The following TINAGL1 variants were observed in gnomAD, a reference collection of about 807,000 sequenced individuals.
The protein encoded by TINAGL1 is tubulointerstitial nephritis antigen-like.
A neutral mutation model predicts 62.0 loss-of-function variants in TINAGL1; 34 were observed. That is an observed-to-expected ratio of 0.55 (90% CI 0.42 to 0.73). The LOEUF is 0.73. Ranked by LOEUF, TINAGL1 falls within the 30% of genes least tolerant of loss-of-function variation. The pLI is 0.00. For synonymous variants in TINAGL1, 221 were observed against 249.7 expected, an observed-to-expected ratio of 0.88 and a Z score of 1.08; for missense variants, 516 against 653.2, an observed-to-expected ratio of 0.79 and a Z score of 2.29.
rs143266156 is a variant in TINAGL1 at position 31,583,551 on chromosome 1, G to A, written c.558G>A (p.Ser186=). The change falls in exon 5 of 12, where the codon TCG becomes TCA. Residue 186 remains serine, a synonymous_variant. Transcript: ENST00000271064. This position sits in a 1 kb window ranked among gnomAD's most constrained non-coding sequence, Gnocchi z 4.4. Reference sequence around the variant, plus strand: ...TGGGCACCATCCGCCCATCTTCCTCGGTCATGAACATGCATGAAATTTATG... The same window carrying A: ...TGGGCACCATCCGCCCATCTTCCTCAGTCATGAACATGCATGAAATTTATG... The part of the protein sequence containing the change: ...YRLGTIRPSS[S]VMNMHEIYTV... 150 of 1,613,728 alleles carry A rather than the reference G, an allele frequency of 9.3e-5. No individual in the cohort carries two copies. The African/African-American group carries it at 1.1e-3, about 12-fold the overall frequency.
At chr1:31,586,445 G>A in intron 10 of TINAGL1, 2 of 580,100 alleles carry the variant, frequency 3.4e-6, no homozygotes, top group South Asian at 4.1e-5. Context: ...GGTCTCTGGA[G>A]GACCCAGGTT....
intron 3 of TINAGL1, chr1:31,580,193 CTCTCTCTCTCTCTCTCTCTG>C (rs1195010647): frequency 0.035 from 14,537 of 418,988 alleles, 336 homozygotes; most frequent in Admixed American, 0.063. Flanking sequence ...CTCTCTCTCT[CTCTCTCTCTCTCTCTCTCTG>C]TCTCTCTCTC....
intron 3 of TINAGL1, among the ~76,000 whole-genome samples, chr1:31,581,296 GC>G (rs1182968589): frequency 6.6e-6 from 1 of 152,182 alleles, no homozygotes; most frequent in African/African-American, 2.4e-5. Context: ...GGAGGGGATG[GC>G]CGGGAATTTT....
In TINAGL1 at chr1:31,586,967, G is replaced by T; in HGVS notation, c.1392G>T (p.Met464Ile). Reference protein sequence around the residue: ...GVWGRVGMEDMGHH With the variant: ...GVWGRVGMEDIGHH ...GGGGCCGCGTGGGCATGGAGGACAT[G>T]GGTCATCACTGAGGCTGCGGGCACC... The change falls in exon 12 of 12, where the codon ATG becomes ATT. Residue 464 changes from methionine (M) to isoleucine (I), a missense_variant. By Grantham distance (10) the Met-to-Ile change is conservative (BLOSUM62 1). Coordinates refer to ENST00000271064, the MANE Select transcript of TINAGL1 (RefSeq NM_022164.3). 1 of 1,511,756 alleles carries T rather than the reference G, an allele frequency of 6.6e-7. No individual in the cohort carries two copies. Among genetic ancestry groups the T allele is most frequent in the East Asian group, 2.3e-5 (1 of 42,704 alleles). The allele number at this position is 1,511,756 out of a possible 1,614,324, so 93.6% of individuals were successfully genotyped here.
At chr1:31,581,015 G>C (rs933839969) in intron 3 of TINAGL1, among the ~76,000 whole-genome samples, 1 of 152,182 alleles carries the variant, frequency 6.6e-6, no homozygotes, top group Non-Finnish European at 1.5e-5. Flanking sequence ...TCTGAGGAAG[G>C]GACATTTATG....
In TINAGL1 at chr1:31,585,365, G is replaced by A. The variant is rs1349300460; in HGVS notation, c.1047+25G>A. The stretch of plus-strand genomic sequence containing the variant: ...CGTAAGTCAGCACTTGGGTGAGGGC[G>A]CCGAGGCAGGAGGGTTGTGAAAGCC... On this transcript the variant is annotated intron_variant, in intron 8 of 11. Transcript: ENST00000271064. The surrounding 1 kb of genome is among the most constrained non-coding windows in gnomAD (Gnocchi z 4.3). 12 of 1,603,798 alleles carry A rather than the reference G, an allele frequency of 7.5e-6. No individual in the cohort carries two copies. The highest frequency in any genetic ancestry group is 1.7e-4 in the Middle Eastern group (1 of 6,038).
In TINAGL1 at chr1:31,579,243, C is replaced by T. The variant is rs758081037; in HGVS notation, c.350C>T (p.Thr117Met). ...GGTCGTATCTATCCAGTCTTGGGAA[C>T]GTACTGGGACAACTGTAACCGTTGG... ...HGGRIYPVLG[T>M]YWDNCNRCTC... is the part of the protein sequence containing the mutation. The change falls in exon 3 of 12, where the codon ACG becomes ATG. Residue 117 changes from threonine to methionine, a missense_variant. Physicochemically the swap from Thr to Met is moderately conservative, Grantham distance 81. Transcript: ENST00000271064. 36 of 1,613,970 alleles carry T rather than the reference C, an allele frequency of 2.2e-5. No individual in the cohort carries two copies. The highest frequency in any genetic ancestry group is 1.8e-4 in the Admixed American group (11 of 59,992).
chr1:31,585,035 G>A lies in TINAGL1; in HGVS notation c.856G>A (p.Gly286Arg). 6.3e-7 allele frequency: 1 copy of A among 1,594,908 alleles called. No homozygotes were observed. The highest frequency in any genetic ancestry group is 8.6e-7 in the Non-Finnish European group (1 of 1,167,128). The change falls in exon 7 of 12, where the codon GGG becomes AGG. Residue 286 changes from glycine (G) to arginine (R), a missense_variant and splice_region_variant. Transcript: ENST00000271064. This position sits in a 1 kb window ranked among gnomAD's most constrained non-coding sequence, Gnocchi z 4.3. ...DGAWWFLRRR[G>R]VVSDHCYPFS... ...TGCCTGGTGGTTCCTGCGTCGCCGA[G>A]GGTATGCAGCAACAGGGGATGTGGG...
intron 11 of TINAGL1, 24 bp downstream of exon 11, chr1:31,586,779 GC>G: frequency 6.6e-7 from 1 of 1,512,594 alleles, no homozygotes; most frequent in African/African-American, 1.4e-5. Context: ...CCCTTTCCCC[GC>G]CCCCTCTTCC....
At position 31,586,402 on chromosome 1, in the gene TINAGL1, G is replaced by A. The variant is rs904472393; in HGVS notation, c.1218-308G>A. The A allele has an allele frequency of 1.9e-5, 10 of 527,028 alleles. No homozygotes were observed. In the African/African-American group the frequency reaches 1.9e-4, roughly 10 times the overall value. The allele number at this position is 527,028 out of a possible 1,614,324, so 32.6% of individuals were successfully genotyped here. A position where few individuals can be genotyped will look rare whatever the true frequency, so the allele number is the denominator to read the frequency against. On this transcript the variant is annotated intron_variant, in intron 10 of 11. Coordinates refer to ENST00000271064, the MANE Select transcript of TINAGL1 (RefSeq NM_022164.3). ...CCCAAGTGAGGGAGGGCAGGTGGAT[G>A]TGTGGTCCCATAGAACTGGCCCCTA...
Position 31,577,464 on chromosome 1 carries a change from C to A in TINAGL1, c.310+6C>A. 6.2e-7 allele frequency: 1 copy of A among 1,602,150 alleles called. No homozygotes were observed. Among genetic ancestry groups the A allele is most frequent in the South Asian group, 1.1e-5 (1 of 88,904 alleles). On this transcript the variant is annotated splice_donor_region_variant and intron_variant, in intron 2 of 11. Transcript: ENST00000271064. This position sits in a 1 kb window ranked among gnomAD's most constrained non-coding sequence, Gnocchi z 5.4. Reference sequence around the variant, plus strand: ...CCCTTTTCCCCCGATCCAAGGTGGGCACTAAGATGGCCAGGAGGGTGGGTC... The same window carrying A: ...CCCTTTTCCCCCGATCCAAGGTGGGAACTAAGATGGCCAGGAGGGTGGGTC...
chr1:31,585,401 C>G lies in TINAGL1; in HGVS notation c.1048-39C>G. 1 of 1,611,880 alleles carries G rather than the reference C, an allele frequency of 6.2e-7. No individual in the cohort carries two copies. The highest frequency in any genetic ancestry group is 8.5e-7 in the Non-Finnish European group (1 of 1,178,904). On this transcript the variant is annotated intron_variant, in intron 8 of 11. Transcript: ENST00000271064. The surrounding 1 kb of genome is among the most constrained non-coding windows in gnomAD (Gnocchi z 4.3). Reference sequence around the variant, plus strand: ...AGGGTTGTGAAAGCCTGGAGTCTCACCCCTGACGTATGCTCTCTGTCCATC... The same window carrying G: ...AGGGTTGTGAAAGCCTGGAGTCTCAGCCCTGACGTATGCTCTCTGTCCATC...
Position 31,577,220 on chromosome 1 carries a change from G to A in TINAGL1, c.72G>A (p.Gln24=), listed in dbSNP as rs1220610563. 6.2e-7 allele frequency: 1 copy of A among 1,602,806 alleles called. No individual in the cohort carries two copies. The highest frequency in any genetic ancestry group is 8.5e-7 in the Non-Finnish European group (1 of 1,175,784). ...LAGHLALGAQ[Q]GRGRRELAPG... Reference sequence around the variant, plus strand: ...GCCACTTGGCTCTGGGTGCCCAGCAGGGTCGTGGGCGCCGGGAGCTAGCAC... The same window carrying A: ...GCCACTTGGCTCTGGGTGCCCAGCAAGGTCGTGGGCGCCGGGAGCTAGCAC... The change falls in exon 2 of 12, where the codon CAG becomes CAA. Residue 24 remains glutamine (Q), a synonymous_variant. Transcript: ENST00000271064. This position sits in a 1 kb window ranked among gnomAD's most constrained non-coding sequence, Gnocchi z 5.4.
At position 31,576,982 on chromosome 1, in the gene TINAGL1, C is replaced by A. The variant is rs568985874; in HGVS notation, c.-15-152C>A. The A allele has an allele frequency of 1.5e-5, 10 of 682,666 alleles. No homozygotes were observed. The highest frequency in any genetic ancestry group is 1.3e-4 in the South Asian group (6 of 46,200). The allele number at this position is 682,666 out of a possible 1,614,324, so 42.3% of individuals were successfully genotyped here. On this transcript the variant is annotated intron_variant, in intron 1 of 11. Transcript: ENST00000271064. The surrounding 1 kb of genome is among the most constrained non-coding windows in gnomAD (Gnocchi z 5.1). ...TCCCCCTATAGCCAGGGCCCACACA[C>A]TGGGGCTCCTCTGCCCGTGTCCTGC...
At position 31,583,075 on chromosome 1, in the gene TINAGL1, A is replaced by G; in HGVS notation, c.375-74A>G. The G allele has an allele frequency of 2.2e-6, 3 of 1,363,154 alleles. No individual in the cohort carries two copies. The highest frequency in any genetic ancestry group is 3.1e-6 in the Non-Finnish European group (3 of 952,662). 84.4% of individuals were successfully genotyped at this position (1,363,154 alleles called of 1,614,324 possible). ...TGCACAGACTCCCTGGCCCATGTTA[A>G]CCTCCGAGGCCACATTCCTTCAAAG... On this transcript the variant is annotated intron_variant, in intron 3 of 11. Transcript: ENST00000271064. This position sits in a 1 kb window ranked among gnomAD's most constrained non-coding sequence, Gnocchi z 4.4.
chr1:31,579,492 AG>A (rs749810569), intron 3 of TINAGL1, among the ~76,000 whole-genome samples: 6 of 152,210 alleles, frequency 3.9e-5, no homozygotes, highest in Non-Finnish European at 8.8e-5. Context: ...TGCCTGGCCC[AG>A]GGGTCACCCT....
chr1:31,584,685 T>C lies in TINAGL1; in HGVS notation c.590T>C (p.Leu197Pro). The stretch of plus-strand genomic sequence containing the variant: ...GCAACCTTTATCTTGCAGACAGTGC[T>C]GAACCCAGGGGAGGTGCTTCCCACA... ...VMNMHEIYTV[L>P]NPGEVLPTAF... The change falls in exon 6 of 12, where the codon CTG becomes CCG. Residue 197 changes from leucine to proline, a missense_variant. Leu to Pro is a moderately conservative substitution (Grantham distance 98, BLOSUM62 -3). Transcript: ENST00000271064. The surrounding 1 kb of genome is among the most constrained non-coding windows in gnomAD (Gnocchi z 4.0). The C allele has an allele frequency of 6.2e-7, 1 of 1,613,562 alleles. No individual in the cohort carries two copies. Among genetic ancestry groups the C allele is most frequent in the South Asian group, 1.1e-5 (1 of 91,058 alleles).
Position 31,584,489 on chromosome 1 carries a change from A to T in TINAGL1, c.583-189A>T. On this transcript the variant is annotated intron_variant, in intron 5 of 11. Transcript: ENST00000271064. The surrounding 1 kb of genome is among the most constrained non-coding windows in gnomAD (Gnocchi z 4.0). ...CCCGCCCCACCACCTGATACCTGGGAGGCACTAAATGGTGCTTGGTTCTTC... is the reference window on the plus strand; with the variant it reads ...CCCGCCCCACCACCTGATACCTGGGTGGCACTAAATGGTGCTTGGTTCTTC... 4.4e-5 allele frequency: 26 copies of T among 589,716 alleles called. No individual in the cohort carries two copies. Among genetic ancestry groups the T allele is most frequent in the East Asian group, 7.7e-5 (2 of 25,946 alleles). 36.5% of individuals were successfully genotyped at this position (589,716 alleles called of 1,614,324 possible).
intron 3 of TINAGL1, among the ~76,000 whole-genome samples, chr1:31,581,560 A>G (rs1474950271): frequency 1.3e-5 from 2 of 152,166 alleles, no homozygotes; most frequent in African/African-American, 4.8e-5. Flanking sequence ...CAGACGGGCT[A>G]TTTTGAGTTT....
Sources: gnomAD v4.1 joint callset for allele counts (sites outside exome capture counted in the v4.1 genomes callset) on GRCh38, gnomAD v4.1.1 for gene constraint, Gnocchi (gnomAD v3.1) non-coding constraint, MANE v1.5 for transcripts, NCBI Gene and HGNC (gene_info 2026-07-23, HGNC 2026-07-21) for gene names.